Variants in ZMPSTE24 observed in about 807,000 individuals in gnomAD.
ZMPSTE24 encodes zinc metallopeptidase STE24.
In ZMPSTE24, 48 loss-of-function variants were observed where a neutral mutation model predicts 56.7. The ratio of observed to expected loss-of-function variants is 0.85; its 90% CI spans 0.67 to 1.08. ZMPSTE24 has a LOEUF of 1.08. Among genes scored for constraint, ZMPSTE24 ranks in the 50% least tolerant of loss-of-function variants. The probability of loss-of-function intolerance (pLI) is 0.00; values close to 1 mark genes in which losing one functional copy is unlikely to be tolerated. For synonymous variants in ZMPSTE24, 172 were observed against 195.2 expected (o/e 0.88, Z 0.99); for missense variants, 503 against 548.7 (o/e 0.92, Z 0.83).
chr1:40,271,126 A>G (rs1474349578), intron 5 of ZMPSTE24, among the ~76,000 whole-genome samples: 1 of 152,170 alleles, frequency 6.6e-6, no homozygotes, highest in African/African-American at 2.4e-5. Context: ...TTTCACAGGC[A>G]TGATCATAGT....
intron 6 of ZMPSTE24, among the ~76,000 whole-genome samples, chr1:40,275,818 C>T (rs1015737188): frequency 2.0e-5 from 3 of 148,132 alleles, no homozygotes; most frequent in Non-Finnish European, 3.0e-5. Context: ...ATTAAGTTTA[C>T]GAAGCTCAGA....
chr1:40,258,240 C>T lies in ZMPSTE24; in HGVS notation c.-32C>T. The stretch of plus-strand genomic sequence containing the variant: ...GACGAGTGTCGGTGTGGCACCGGTG[C>T]ACGCTGAAGGAGCCGGCGGAACCGG... On this transcript the variant is annotated 5_prime_UTR_variant, in exon 1 of 10. Coordinates refer to ENST00000372759, the MANE Select transcript of ZMPSTE24 (RefSeq NM_005857.5). The T allele has an allele frequency of 6.2e-7, 1 of 1,611,310 alleles. No homozygotes were observed. The highest frequency in any genetic ancestry group is 1.1e-5 in the South Asian group (1 of 91,012).
At chr1:40,266,899 G>A (rs1415057225) in intron 2 of ZMPSTE24, among the ~76,000 whole-genome samples, 5 of 150,334 alleles carry the variant, frequency 3.3e-5, no homozygotes, top group African/African-American at 1.2e-4. Flanking sequence ...CCCCCGAGTA[G>A]CTGGGACCAC....
chr1:40,269,750 G>A (rs2124581937), intron 4 of ZMPSTE24, among the ~76,000 whole-genome samples: 1 of 152,290 alleles, frequency 6.6e-6, no homozygotes, highest in South Asian at 2.1e-4. Flanking sequence ...ACAGTTGTGA[G>A]CCACTGCACT....
chr1:40,281,817 A>G (rs970114281), intron 7 of ZMPSTE24, among the ~76,000 whole-genome samples: 7 of 152,116 alleles, frequency 4.6e-5, no homozygotes, highest in Admixed American at 6.6e-5. Flanking sequence ...GTATATATAT[A>G]TATGTGTGTG....
chr1:40,286,120 C>G (rs755079546), intron 8 of ZMPSTE24, 91 bp downstream of exon 8: 1 of 1,099,474 alleles, frequency 9.1e-7, no homozygotes, highest in Non-Finnish European at 1.4e-6. Flanking sequence ...GAGGCCAAGG[C>G]AGACACCACA....
intron 4 of ZMPSTE24, among the ~76,000 whole-genome samples, chr1:40,269,692 C>G (rs1643593710): frequency 6.6e-6 from 1 of 152,174 alleles, no homozygotes; most frequent in South Asian, 2.1e-4. Context: ...CCTGGAACTA[C>G]TGGGCTCAAG....
chr1:40,262,940 A>C (rs1375076907), intron 2 of ZMPSTE24: 7 of 1,028,120 alleles, frequency 6.8e-6, no homozygotes, highest in South Asian at 7.7e-5. Context: ...CATCTCTGAA[A>C]AGTCTGAATT....
At chr1:40,270,585 C>T (rs1049083267) in intron 5 of ZMPSTE24, among the ~76,000 whole-genome samples, 1 of 152,050 alleles carries the variant, frequency 6.6e-6, no homozygotes, top group Non-Finnish European at 1.5e-5. Flanking sequence ...GTTAGACACT[C>T]TCTCCCTTCT....
At position 40,273,523 on chromosome 1, in the gene ZMPSTE24, A is replaced by C. The variant is rs1475806375; in HGVS notation, c.769+1488A>C. ...CAAGAGCCAAATTCTGTCTAAAAAA[A>C]AAAAAAAAAAAAAAATATATATATA... On this transcript the variant is annotated intron_variant, in intron 6 of 9. Coordinates refer to ENST00000372759, the MANE Select transcript of ZMPSTE24 (RefSeq NM_005857.5). Among the ~76,000 whole-genome samples the C allele has an allele frequency of 1.4e-4, 9 of 62,930 alleles. No individual in the cohort carries two copies. In the South Asian group the frequency reaches 1.8e-3, roughly 12 times the overall value. 41.3% of individuals were successfully genotyped at this position (62,930 alleles called of 152,430 possible).
intron 4 of ZMPSTE24, 141 bp downstream of exon 4, chr1:40,268,676 C>T: frequency 1.5e-6 from 1 of 662,868 alleles, no homozygotes; most frequent in Non-Finnish European, 2.5e-6. Flanking sequence ...TGGTAAAGAT[C>T]ATAGCTGAAA....
chr1:40,260,754 G>C (rs1443205091), intron 1 of ZMPSTE24, 85 bp from the exon 2 acceptor site: 10 of 1,427,678 alleles, frequency 7.0e-6, no homozygotes, highest in Non-Finnish European at 9.8e-6. Context: ...TAAGTGGCAA[G>C]CTATAAACCA....
At chr1:40,289,815 T>C (rs1315441081) in intron 8 of ZMPSTE24, among the ~76,000 whole-genome samples, 1 of 152,194 alleles carries the variant, frequency 6.6e-6, no homozygotes, top group Non-Finnish European at 1.5e-5. Context: ...CTGGTACAGC[T>C]CCAGTGGGCC....
At chr1:40,282,002 A>T (rs890887302) in intron 7 of ZMPSTE24, among the ~76,000 whole-genome samples, 10 of 152,172 alleles carry the variant, frequency 6.6e-5, no homozygotes, top group African/African-American at 1.9e-4. Flanking sequence ...GTATCCTTGG[A>T]TACGTTGTGT....
intron 2 of ZMPSTE24, among the ~76,000 whole-genome samples, 174 bp downstream of exon 2, chr1:40,261,159 G>GA (rs1402823390): frequency 6.6e-6 from 1 of 152,192 alleles, no homozygotes; most frequent in African/African-American, 2.4e-5. Flanking sequence ...TTAGTCAGTT[G>GA]AAAACTATAG....
intron 6 of ZMPSTE24, 63 bp downstream of exon 6, chr1:40,272,098 C>T: frequency 2.7e-6 from 4 of 1,456,182 alleles, no homozygotes; most frequent in Non-Finnish European, 3.7e-6. Context: ...ATACTTTATT[C>T]TTAAAATTTT....
intron 2 of ZMPSTE24, chr1:40,262,626 A>G (rs927866922): frequency 1.1e-5 from 2 of 181,322 alleles, no homozygotes; most frequent in African/African-American, 4.8e-5. Flanking sequence ...AAAGAATTAT[A>G]GTAACTTTAA....
intron 5 of ZMPSTE24, 41 bp downstream of exon 5, chr1:40,270,168 C>T: frequency 6.2e-7 from 1 of 1,605,816 alleles, no homozygotes; most frequent in Non-Finnish European, 8.5e-7. Flanking sequence ...GCAAAAGTTC[C>T]TTGGTGAGAT....
chr1:40,281,623 A>C (rs1489978564), intron 7 of ZMPSTE24, 96 bp downstream of exon 7: 11 of 1,283,890 alleles, frequency 8.6e-6, no homozygotes, highest in Admixed American at 2.0e-5. Flanking sequence ...GTGAGTGTTG[A>C]ATTCAGGGAG....
Sources: allele counts gnomAD v4.1 joint callset (sites outside exome capture counted in the v4.1 genomes callset), GRCh38; gene constraint gnomAD v4.1.1; transcripts MANE v1.5; gene names NCBI Gene and HGNC (gene_info 2026-07-23, HGNC 2026-07-21).